Variants in SDHC observed in about 807,000 individuals in gnomAD.
The protein encoded by SDHC is succinate dehydrogenase complex subunit C.
SDHC carries 11 observed loss-of-function variants against 22.6 expected under a neutral mutation model. The observed-to-expected ratio is 0.49, with a 90% CI of 0.31 to 0.81. SDHC has a LOEUF of 0.81. SDHC is among the 30% of genes least tolerant of loss of function. SDHC has a pLI of 0.05. For synonymous variants in SDHC, 80 were observed against 77.8 expected (o/e 1.03, Z -0.15); for missense variants, 160 against 212.0 (o/e 0.75, Z 1.52).
intron 5 of SDHC, among the ~76,000 whole-genome samples, chr1:161,361,135 G>A (rs538396444): frequency 6.6e-6 from 1 of 152,218 alleles, no homozygotes; most frequent in African/African-American, 2.4e-5. Flanking sequence ...AGCAGAGGCA[G>A]GAGGATAGCT....
At chr1:161,356,231 ATGAGTTTAAATCTTCTCC>A (rs2102368939) in intron 4 of SDHC, among the ~76,000 whole-genome samples, 1 of 152,176 alleles carries the variant, frequency 6.6e-6, no homozygotes, top group Non-Finnish European at 1.5e-5. Context: ...AAACTTGAAC[ATGAGTTTAAATCTTCTCC>A]TTTTCAAGGC....
chr1:161,324,925 G>C (rs115165763), intron 2 of SDHC, among the ~76,000 whole-genome samples: 1,924 of 152,184 alleles, frequency 0.013, 42 homozygotes, highest in African/African-American at 0.042. Flanking sequence ...AATCAGCTAG[G>C]CATGGTGGTT....
At chr1:161,319,307 G>T (rs1472154599) in intron 1 of SDHC, among the ~76,000 whole-genome samples, 1 of 152,134 alleles carries the variant, frequency 6.6e-6, no homozygotes, top group Admixed American at 6.5e-5. Flanking sequence ...TCAAAGTCTA[G>T]CAGGGAGATA....
intron 5 of SDHC, among the ~76,000 whole-genome samples, chr1:161,361,175 C>T (rs908750630): frequency 3.3e-5 from 5 of 151,846 alleles, no homozygotes; most frequent in Admixed American, 3.3e-4. Context: ...CCTGCCTGAA[C>T]AATATAATGA....
chr1:161,318,674 AC>A (rs1670719362), intron 1 of SDHC, among the ~76,000 whole-genome samples: 1 of 152,066 alleles, frequency 6.6e-6, no homozygotes, highest in South Asian at 2.1e-4. Flanking sequence ...TCATTCACAA[AC>A]CTTTTTATTT....
At chr1:161,315,224 G>GT (rs1455555050) in intron 1 of SDHC, among the ~76,000 whole-genome samples, 3 of 152,192 alleles carry the variant, frequency 2.0e-5, no homozygotes, top group Non-Finnish European at 4.4e-5. Context: ...TTTGGAAATT[G>GT]TTTGTTATGG....
At chr1:161,322,907 A>G (rs1670889764) in intron 1 of SDHC, among the ~76,000 whole-genome samples, 1 of 152,066 alleles carries the variant, frequency 6.6e-6, no homozygotes, top group Admixed American at 6.5e-5. Context: ...TGCTAAAGCT[A>G]AGCTATATGG....
At chr1:161,323,249 C>T (rs1279539633) in intron 1 of SDHC, among the ~76,000 whole-genome samples, 6 of 152,100 alleles carry the variant, frequency 3.9e-5, no homozygotes, top group Admixed American at 2.0e-4. Flanking sequence ...CCGTCCGCCT[C>T]GGCCTCCCAA....
chr1:161,336,483 A>G (rs1274872381), intron 3 of SDHC, among the ~76,000 whole-genome samples: 2 of 152,046 alleles, frequency 1.3e-5, no homozygotes, highest in Non-Finnish European at 2.9e-5. Flanking sequence ...GGGAAGAATT[A>G]TAATGAAAAA....
At chr1:161,315,565 A>AT (rs1401460037) in intron 1 of SDHC, among the ~76,000 whole-genome samples, 1 of 152,210 alleles carries the variant, frequency 6.6e-6, no homozygotes, top group African/African-American at 2.4e-5. Flanking sequence ...TTTTGGTAAA[A>AT]TTAACATTTA....
At chr1:161,337,475 C>T (rs574165465) in intron 3 of SDHC, among the ~76,000 whole-genome samples, 15 of 152,266 alleles carry the variant, frequency 9.9e-5, no homozygotes, top group East Asian at 5.8e-4. Flanking sequence ...TTACTTCTGC[C>T]GCATTCTACC....
intron 4 of SDHC, among the ~76,000 whole-genome samples, chr1:161,355,704 C>G (rs1252196673): frequency 6.6e-6 from 1 of 152,094 alleles, no homozygotes; most frequent in Non-Finnish European, 1.5e-5. Flanking sequence ...AAAAAAAGGG[C>G]CAGGCGCAGT....
intron 1 of SDHC, among the ~76,000 whole-genome samples, chr1:161,323,344 C>A (rs1670911299): frequency 6.6e-6 from 1 of 152,154 alleles, no homozygotes; most frequent in Non-Finnish European, 1.5e-5. Context: ...CTCTGTTGAA[C>A]ATTACCAACT....
At chr1:161,325,108 A>G (rs1029612309) in intron 2 of SDHC, among the ~76,000 whole-genome samples, 5 of 151,998 alleles carry the variant, frequency 3.3e-5, no homozygotes, top group Non-Finnish European at 7.4e-5. Context: ...TGGGGAGGCT[A>G]AGGCAGGAAG....
intron 4 of SDHC, among the ~76,000 whole-genome samples, chr1:161,353,098 A>G (rs535990030): frequency 6.6e-6 from 1 of 152,258 alleles, no homozygotes; most frequent in Non-Finnish European, 1.5e-5. Flanking sequence ...ACTAATTGAC[A>G]TAATTCTGTA....
intron 4 of SDHC, among the ~76,000 whole-genome samples, chr1:161,345,840 C>T (rs1215470068): frequency 1.4e-5 from 2 of 147,120 alleles, no homozygotes; most frequent in Non-Finnish European, 3.0e-5. Context: ...GAGTCTTGCT[C>T]TGTTGCCCAG....
At chr1:161,329,034 A>C (rs947246437) in intron 3 of SDHC, among the ~76,000 whole-genome samples, 1 of 151,972 alleles carries the variant, frequency 6.6e-6, no homozygotes, top group Non-Finnish European at 1.5e-5. Context: ...CAGCCTCCCG[A>C]GTAGCTGGGG....
chr1:161,325,963 G>T (rs1277064403), intron 2 of SDHC, among the ~76,000 whole-genome samples: 1 of 152,134 alleles, frequency 6.6e-6, no homozygotes, highest in Non-Finnish European at 1.5e-5. Flanking sequence ...ACTTTGGGAG[G>T]CCGAGGCAGG....
chr1:161,352,512 A>T (rs186419722), intron 4 of SDHC, among the ~76,000 whole-genome samples: 3 of 152,336 alleles, frequency 2.0e-5, no homozygotes, highest in Admixed American at 2.0e-4. Flanking sequence ...TAATCCCGCC[A>T]GTCAGAAATA....
Sources: allele counts gnomAD v4.1 joint callset (sites outside exome capture counted in the v4.1 genomes callset), GRCh38; gene constraint gnomAD v4.1.1; transcripts MANE v1.5; gene names NCBI Gene and HGNC (gene_info 2026-07-23, HGNC 2026-07-21).